Variants in PARD3B observed in about 807,000 individuals in gnomAD.
PARD3B encodes partitioning defective 3 homolog B.
Under a neutral mutation model 130.2 loss-of-function variants are expected in PARD3B, and 103 were observed. That is an observed-to-expected ratio of 0.79 (90% CI 0.67 to 0.93). The LOEUF (loss-of-function observed/expected upper bound fraction) is 0.93, where lower values mean the gene tolerates loss of function less well. Ranked by LOEUF, PARD3B falls within the 40% of genes least tolerant of loss-of-function variation. PARD3B has a pLI of 0.00. For synonymous variants in PARD3B, 583 were observed against 553.2 expected (o/e 1.05, Z -0.76); for missense variants, 1,609 against 1,499.2 (o/e 1.07, Z -1.21).
At chr2:205,008,116 T>C (rs1490019398) in intron 3 of PARD3B, among the ~76,000 whole-genome samples, 1 of 152,110 alleles carries the variant, frequency 6.6e-6, no homozygotes, top group African/African-American at 2.4e-5. Flanking sequence ...AAACCATTGC[T>C]GATCCTAGAT....
At chr2:205,518,969 G>A (rs1182079001) in intron 21 of PARD3B, among the ~76,000 whole-genome samples, 4 of 152,140 alleles carry the variant, frequency 2.6e-5, no homozygotes, top group African/African-American at 7.2e-5. Flanking sequence ...AGCCTCGATG[G>A]TGTTCCCTTT....
At chr2:205,390,755 G>A (rs1044833761) in intron 18 of PARD3B, among the ~76,000 whole-genome samples, 7 of 152,152 alleles carry the variant, frequency 4.6e-5, no homozygotes, top group African/African-American at 9.6e-5. Flanking sequence ...CATATTGTCC[G>A]TTTGTTCTCC....
intron 20 of PARD3B, among the ~76,000 whole-genome samples, chr2:205,488,033 C>G (rs1292454150): frequency 2.0e-5 from 3 of 152,034 alleles, no homozygotes; most frequent in African/African-American, 7.2e-5. Flanking sequence ...CTCTATTTAC[C>G]TTTTTAATCA....
In PARD3B at chr2:205,400,053, C is replaced by T. The variant is rs143031999; in HGVS notation, c.2631-960C>T. 5.4e-3 allele frequency among the ~76,000 whole-genome samples: 828 copies of T among 152,234 alleles called. 6 individuals carry two copies. Among genetic ancestry groups the T allele is most frequent in the African/African-American group, 0.019 (797 of 41,546 alleles). On this transcript the variant is annotated intron_variant, in intron 18 of 22. Transcript: ENST00000406610. ...GAACGAGGTGTTCAATAAGGCCTCT[C>T]GTGGCACTGTCATGGTGTAATTCCA...
chr2:205,605,919 A>G (rs746355750), intron 22 of PARD3B, among the ~76,000 whole-genome samples: 1 of 152,234 alleles, frequency 6.6e-6, no homozygotes, highest in Non-Finnish European at 1.5e-5. Context: ...GCGAGATCAG[A>G]GTTCTGTCCC....
intron 2 of PARD3B, among the ~76,000 whole-genome samples, chr2:204,962,479 A>G (rs1277027287): frequency 6.6e-6 from 1 of 152,118 alleles, no homozygotes; most frequent in Non-Finnish European, 1.5e-5. Context: ...ATAACTTTGA[A>G]TGGGTTTAAA....
At chr2:205,580,864 G>A (rs1272031347) in intron 22 of PARD3B, among the ~76,000 whole-genome samples, 1 of 152,082 alleles carries the variant, frequency 6.6e-6, no homozygotes, top group Non-Finnish European at 1.5e-5. Context: ...ACAATAATTA[G>A]AATAGCCTTC....
At chr2:205,322,889 CTTTTTTTTTTTTTTTTTTTTTTT>C (rs71032461) in intron 18 of PARD3B, among the ~76,000 whole-genome samples, 85 of 51,464 alleles carry the variant, frequency 1.7e-3, no homozygotes, top group East Asian at 4.1e-3. Context: ...ATTAACACCT[CTTTTTTTTTTTTTTTTTTTTTTT>C]TTTTTTTTTT....
intron 4 of PARD3B, among the ~76,000 whole-genome samples, chr2:205,050,945 A>T (rs945429972): frequency 6.6e-6 from 1 of 152,132 alleles, no homozygotes; most frequent in Non-Finnish European, 1.5e-5. Flanking sequence ...ATAATTATTA[A>T]TAATGTCTTC....
At chr2:205,495,245 C>T (rs1308623293) in intron 20 of PARD3B, among the ~76,000 whole-genome samples, 1 of 152,150 alleles carries the variant, frequency 6.6e-6, no homozygotes, top group Non-Finnish European at 1.5e-5. Context: ...CCTTTAAAGG[C>T]ATAAGCAATG....
intron 1 of PARD3B, among the ~76,000 whole-genome samples, chr2:204,602,134 C>G (rs2033538547): frequency 6.6e-6 from 1 of 152,030 alleles, no homozygotes; most frequent in South Asian, 2.1e-4. Context: ...CCATTTACTC[C>G]TTGAGCCTAA....
At chr2:205,246,598 A>G (rs1276888500) in intron 16 of PARD3B, among the ~76,000 whole-genome samples, 1 of 152,150 alleles carries the variant, frequency 6.6e-6, no homozygotes, top group Non-Finnish European at 1.5e-5. Context: ...GCCCCTCTAA[A>G]CAACAGAAGG....
intron 1 of PARD3B, among the ~76,000 whole-genome samples, chr2:204,637,661 T>C (rs1000120506): frequency 5.9e-5 from 9 of 152,118 alleles, no homozygotes; most frequent in African/African-American, 2.2e-4. Context: ...TTACTCGTGA[T>C]TTACATTTCT....
chr2:205,397,234 T>C lies in PARD3B; in HGVS notation c.2631-3779T>C, dbSNP rs2046064802. Among the ~76,000 whole-genome samples, 1 of 152,256 alleles carries C rather than the reference T, an allele frequency of 6.6e-6. No homozygotes were observed. Among genetic ancestry groups the C allele is most frequent in the Non-Finnish European group, 1.5e-5 (1 of 68,048 alleles). On this transcript the variant is annotated intron_variant, in intron 18 of 22. Coordinates refer to ENST00000406610, the MANE Select transcript of PARD3B (RefSeq NM_001302769.2). This position sits in a 1 kb window ranked among gnomAD's most constrained non-coding sequence, Gnocchi z 4.8. ...CCAAACTTTACAAAATAAGGTAATT[T>C]GTAATCATTTTCTCTGGCTAATAAA...
intron 4 of PARD3B, among the ~76,000 whole-genome samples, chr2:205,061,586 T>C (rs994420682): frequency 2.0e-5 from 3 of 152,106 alleles, no homozygotes; most frequent in Non-Finnish European, 4.4e-5. Context: ...GTGCCATGCA[T>C]GGTTGGATAG....
chr2:204,811,193 CT>C (rs1353494307), intron 2 of PARD3B, among the ~76,000 whole-genome samples: 1 of 151,638 alleles, frequency 6.6e-6, no homozygotes, highest in Non-Finnish European at 1.5e-5. Context: ...TATTTGTGTC[CT>C]ATTTCTTCTT....
chr2:204,707,090 T>C (rs1472116217), intron 2 of PARD3B, among the ~76,000 whole-genome samples: 1 of 152,184 alleles, frequency 6.6e-6, no homozygotes, highest in Non-Finnish European at 1.5e-5. Flanking sequence ...GCCAAGCAGC[T>C]GCTGTGATGT....
chr2:205,368,061 C>A (rs10179357), intron 18 of PARD3B, among the ~76,000 whole-genome samples: 29,647 of 152,044 alleles, frequency 0.19, 3,696 homozygotes, highest in African/African-American at 0.36. Context: ...AAGGGTGATA[C>A]GTCTGTGTGA....
chr2:205,357,679 T>C (rs1430747059), intron 18 of PARD3B, among the ~76,000 whole-genome samples: 1 of 151,968 alleles, frequency 6.6e-6, no homozygotes, highest in African/African-American at 2.4e-5. Flanking sequence ...TAAGTGATAG[T>C]GATAGATTGT....
Sources: gnomAD v4.1 joint callset for allele counts (sites outside exome capture counted in the v4.1 genomes callset) on GRCh38, gnomAD v4.1.1 for gene constraint, Gnocchi (gnomAD v3.1) non-coding constraint, MANE v1.5 for transcripts, NCBI Gene and HGNC (gene_info 2026-07-23, HGNC 2026-07-21) for gene names.